Variants in CWH43 observed in about 807,000 individuals in gnomAD.
CWH43 encodes the protein cell wall biogenesis 43 C-terminal homolog, also known as PGAP2-interacting protein.
In CWH43, 91 loss-of-function variants were observed where a neutral mutation model predicts 85.7. That is an observed-to-expected ratio of 1.06 (90% CI 0.90 to 1.26). The LOEUF is 1.26. Ranked by LOEUF, CWH43 falls within the 50% of genes most tolerant of loss-of-function variation. CWH43 has a pLI of 0.00. For missense variants in CWH43, 869 were observed against 839.2 expected (o/e 1.04, Z -0.44); for synonymous variants, 323 against 293.6 (o/e 1.10, Z -1.02).
chr4:48,986,748 C>G lies in CWH43; in HGVS notation c.43+276C>G, dbSNP rs1782507727. The G allele has an allele frequency of 2.3e-6, 3 of 1,290,702 alleles. No individual in the cohort carries two copies. The East Asian group carries it at 9.7e-5, about 42-fold the overall frequency. 80.0% of individuals were successfully genotyped at this position (1,290,702 alleles called of 1,614,324 possible). ...GCCCTGGGATTGTGCCCAAGGAGCG[C>G]GAATTCTCCTCGTGTCGGCCTTGAC... is the stretch of plus-strand genomic sequence containing the variant. On this transcript the variant is annotated intron_variant, in intron 1 of 15. Transcript: ENST00000226432.
rs1784319304 is a variant in CWH43, at chr4:49,038,141, C to T, written c.1764C>T (p.Ser588=). The part of the protein sequence containing the change: ...FLGYITSAPG[S]RDYLQLTEHG... Reference sequence around the variant, plus strand: ...GATATATCACTTCAGCACCTGGCTCCAGAGATTATCTACAGCTCACTGAAC... The same window carrying T: ...GATATATCACTTCAGCACCTGGCTCTAGAGATTATCTACAGCTCACTGAAC... Residue 588 remains serine (S), a synonymous_variant, in exon 13 of 16, where the codon TCC becomes TCT. Transcript: ENST00000226432. The T allele has an allele frequency of 6.2e-7, 1 of 1,610,562 alleles. No individual in the cohort carries two copies. The highest frequency in any genetic ancestry group is 1.3e-5 in the African/African-American group (1 of 74,852).
intron 14 of CWH43, among the ~76,000 whole-genome samples, chr4:49,046,962 T>C (rs1372594238): frequency 1.3e-5 from 2 of 152,106 alleles, no homozygotes; most frequent in African/African-American, 4.8e-5. Context: ...TTGGGGACAA[T>C]GTGGGGAGCC....
chr4:48,990,163 A>C (rs1389245199), intron 2 of CWH43, among the ~76,000 whole-genome samples: 2 of 152,184 alleles, frequency 1.3e-5, no homozygotes, highest in East Asian at 1.9e-4. Context: ...ATGTGATATA[A>C]AATAAGTTTG....
intron 9 of CWH43, among the ~76,000 whole-genome samples, chr4:49,027,045 C>T (rs570485645): frequency 6.6e-6 from 1 of 152,316 alleles, no homozygotes; most frequent in South Asian, 2.1e-4. Context: ...TCTAGTGCCT[C>T]AAGCAGGAGA....
intron 9 of CWH43, 92 bp from the exon 10 acceptor site, chr4:49,028,537 A>T (rs1783991525): frequency 1.4e-6 from 1 of 728,402 alleles, no homozygotes; most frequent in Non-Finnish European, 2.3e-6. Context: ...TGCTGAAATA[A>T]GAAATTTGGT....
At chr4:49,034,516 A>G (rs1784204598) in intron 12 of CWH43, among the ~76,000 whole-genome samples, 1 of 152,158 alleles carries the variant, frequency 6.6e-6, no homozygotes, top group Admixed American at 6.6e-5. Context: ...TCTGTTAACC[A>G]CCTACTTAAA....
chr4:49,000,973 T>A (rs1238105656), intron 6 of CWH43, among the ~76,000 whole-genome samples: 1 of 152,196 alleles, frequency 6.6e-6, no homozygotes, highest in East Asian at 1.9e-4. Context: ...AGCTTAATTA[T>A]CTGGAGGTGG....
At chr4:49,010,960 G>A (rs1178391200) in intron 8 of CWH43, among the ~76,000 whole-genome samples, 2 of 152,168 alleles carry the variant, frequency 1.3e-5, no homozygotes, top group African/African-American at 4.8e-5. Flanking sequence ...CTGTTGATTT[G>A]GGGTGGAGAG....
chr4:49,003,597 T>C (rs1183692707), intron 6 of CWH43, 138 bp from the exon 7 acceptor site: 13 of 798,928 alleles, frequency 1.6e-5, no homozygotes, highest in Admixed American at 9.4e-5. Flanking sequence ...ATTAACCTTG[T>C]CAGATCTTAG....
chr4:49,041,061 T>C lies in CWH43; in HGVS notation c.1803+2881T>C, dbSNP rs1041405318. On this transcript the variant is annotated intron_variant, in intron 13 of 15. Coordinates refer to ENST00000226432, the MANE Select transcript of CWH43 (RefSeq NM_025087.3). ...CAAAGATCAGATAGTTGTAAATATG[T>C]GGCATTATTTCTGAGGGCTCTGTTC... 1.6e-3 allele frequency among the ~76,000 whole-genome samples: 242 copies of C among 152,278 alleles called. No individual in the cohort carries two copies. The Middle Eastern group carries it at 0.017, about 11-fold the overall frequency.
Position 49,030,869 on chromosome 4 carries a change from T to C in CWH43, c.1417T>C (p.Tyr473His). ...TTTGGAGAGTGATGCTTCTAAGCCC[T>C]ATATGGGGAACAATGACTTAACCAT... The part of the protein sequence containing the change: ...TILESDASKP[Y>H]MGNNDLTMWL... The change falls in exon 11 of 16, where the codon TAT becomes CAT. Residue 473 changes from tyrosine to histidine, a missense_variant. Physicochemically the swap from Tyr to His is moderately conservative, Grantham distance 83. Around this residue, in one of 3 missense-constraint regions of CWH43, gnomAD observed 577 missense variants for 513.1 expected, o/e 1.12. Transcript: ENST00000226432. 1 of 1,608,220 alleles carries C rather than the reference T, an allele frequency of 6.2e-7. No individual in the cohort carries two copies.
intron 11 of CWH43, among the ~76,000 whole-genome samples, chr4:49,031,755 C>T (rs1288290436): frequency 6.6e-6 from 1 of 152,096 alleles, no homozygotes; most frequent in Non-Finnish European, 1.5e-5. Context: ...AACTCAGGAA[C>T]TATTTTAGAA....
Position 49,044,782 on chromosome 4 carries a change from TTA to T in CWH43, c.1804-3_1804-2del. 1 of 1,611,474 alleles carries T rather than the reference TTA, an allele frequency of 6.2e-7. No homozygotes were observed. The highest frequency in any genetic ancestry group is 8.5e-7 in the Non-Finnish European group (1 of 1,178,424). On this transcript the variant is annotated splice_acceptor_variant and splice_polypyrimidine_tract_variant and intron_variant, in intron 13 of 15. Transcript: ENST00000226432. LOFTEE classifies it high-confidence loss of function. ...TAAACATTCTCCTCTCTGCTCTTTA[TTA>T]GGATATCGACAGCACTGATCATGAC...
At position 49,061,820 on chromosome 4, in the gene CWH43, C is replaced by T. The variant is rs1346772230; in HGVS notation, c.2030C>T (p.Ser677Phe). 7.2e-7 allele frequency: 1 copy of T among 1,386,256 alleles called. No individual in the cohort carries two copies. The highest frequency in any genetic ancestry group is 9.6e-7 in the Non-Finnish European group (1 of 1,044,298). The allele number at this position is 1,386,256 out of a possible 1,614,324, so 85.9% of individuals were successfully genotyped here. ...EKIHFNPRFG[S>F]YKEGHNYENN... ...ATTTTTTATTTTTTTAGATTTGGAT[C>T]CTACAAAGAAGGACACAATTATGAA... is the stretch of plus-strand genomic sequence containing the variant. The change falls in exon 16 of 16, where the codon TCC becomes TTC. Residue 677 changes from serine to phenylalanine, a missense_variant. Physicochemically the swap from Ser to Phe is radical, Grantham distance 155. Around this residue, in one of 3 missense-constraint regions of CWH43, gnomAD observed 577 missense variants for 513.1 expected, o/e 1.12. Coordinates refer to ENST00000226432, the MANE Select transcript of CWH43 (RefSeq NM_025087.3).
At chr4:48,993,093 A>G (rs1405018527) in intron 4 of CWH43, among the ~76,000 whole-genome samples, 1 of 152,066 alleles carries the variant, frequency 6.6e-6, no homozygotes, top group Non-Finnish European at 1.5e-5. Context: ...CTCTGTTTTA[A>G]ATGTATGTGA....
intron 9 of CWH43, among the ~76,000 whole-genome samples, chr4:49,022,290 G>C (rs528859032): frequency 5.3e-5 from 8 of 152,230 alleles, no homozygotes; most frequent in East Asian, 1.9e-4. Flanking sequence ...TGCTTTTTCT[G>C]TGTCTATTGA....
intron 14 of CWH43, among the ~76,000 whole-genome samples, chr4:49,049,886 T>C (rs1231673630): frequency 6.6e-6 from 1 of 152,176 alleles, no homozygotes; most frequent in Non-Finnish European, 1.5e-5. Flanking sequence ...TACTTATCTA[T>C]CACTACCTGA....
intron 15 of CWH43, among the ~76,000 whole-genome samples, chr4:49,053,172 A>G (rs1359085112): frequency 2.0e-5 from 3 of 152,052 alleles, no homozygotes; most frequent in African/African-American, 7.2e-5. Flanking sequence ...GTATAGCTGC[A>G]TTTTCTTTAT....
At chr4:49,034,787 T>C (rs1240607342) in intron 12 of CWH43, among the ~76,000 whole-genome samples, 1 of 152,218 alleles carries the variant, frequency 6.6e-6, no homozygotes, top group Non-Finnish European at 1.5e-5. Context: ...TTTTCTCATC[T>C]GTAAATCAGT....
Sources: gnomAD v4.1 joint callset for allele counts (sites outside exome capture counted in the v4.1 genomes callset) on GRCh38, gnomAD v4.1.1 for gene constraint, gnomAD v4.1.1 regional missense constraint, MANE v1.5 for transcripts, NCBI Gene and HGNC (gene_info 2026-07-23, HGNC 2026-07-21) for gene names.